GBE1: variants seen among roughly 807,000 people sequenced by gnomAD.
GBE1 encodes the protein 1,4-alpha-glucan-branching enzyme.
Under a neutral mutation model 88.8 loss-of-function variants are expected in GBE1, and 70 were observed. The observed-to-expected ratio is 0.79, with a 90% CI of 0.65 to 0.96. The LOEUF is 0.96. Among genes scored for constraint, GBE1 ranks in the 40% least tolerant of loss-of-function variants. The probability of loss-of-function intolerance (pLI) is 0.00; values close to 1 mark genes in which losing one functional copy is unlikely to be tolerated. For synonymous variants in GBE1, 284 were observed against 300.1 expected (o/e 0.95, Z 0.56); for missense variants, 872 against 871.0 (o/e 1.00, Z -0.01).
intron 1 of GBE1, among the ~76,000 whole-genome samples, chr3:81,750,599 ATGTG>A (rs60462883): frequency 3.5e-4 from 13 of 36,648 alleles, no homozygotes; most frequent in African/African-American, 9.2e-4. Flanking sequence ...GTATATATAT[ATGTG>A]TATATATATA....
intron 7 of GBE1, among the ~76,000 whole-genome samples, chr3:81,599,881 CTTATT>C (rs1300813759): frequency 6.6e-6 from 1 of 152,098 alleles, no homozygotes; most frequent in African/African-American, 2.4e-5. Flanking sequence ...CTTTAAAGAG[CTTATT>C]TTAAAGGTAA....
intron 14 of GBE1, among the ~76,000 whole-genome samples, chr3:81,533,166 C>T (rs564790938): frequency 6.6e-6 from 1 of 152,164 alleles, no homozygotes; most frequent in Admixed American, 6.6e-5. Context: ...TTATATTGCA[C>T]TACCAAGTAT....
At chr3:81,590,002 T>A (rs1022665075) in intron 9 of GBE1, among the ~76,000 whole-genome samples, 1 of 151,998 alleles carries the variant, frequency 6.6e-6, no homozygotes, top group Non-Finnish European at 1.5e-5. Context: ...TGTTTTTTAA[T>A]TGTATATAAG....
At chr3:81,562,272 T>C (rs571713019) in intron 12 of GBE1, among the ~76,000 whole-genome samples, 4 of 152,242 alleles carry the variant, frequency 2.6e-5, no homozygotes, top group Admixed American at 6.6e-5. Flanking sequence ...CTTTCTCCCT[T>C]GATTTGTTTG....
chr3:81,716,987 G>A (rs1192127423), intron 1 of GBE1, among the ~76,000 whole-genome samples: 1 of 152,162 alleles, frequency 6.6e-6, no homozygotes, highest in Non-Finnish European at 1.5e-5. Context: ...GTCAGGCCTG[G>A]AAGTGTCAAG....
chr3:81,656,448 C>T (rs1264621662), intron 3 of GBE1, among the ~76,000 whole-genome samples: 7 of 152,146 alleles, frequency 4.6e-5, no homozygotes, highest in Non-Finnish European at 1.5e-5. Flanking sequence ...ATGGCCCTGA[C>T]AACAACTTGA....
intron 3 of GBE1, among the ~76,000 whole-genome samples, chr3:81,667,342 G>A (rs1289552996): frequency 6.6e-6 from 1 of 152,048 alleles, no homozygotes; most frequent in East Asian, 1.9e-4. Context: ...AAGGAGTTTT[G>A]GGGCTGAGAT....
chr3:81,617,345 C>T (rs1039076063), intron 7 of GBE1, among the ~76,000 whole-genome samples: 13 of 151,910 alleles, frequency 8.6e-5, no homozygotes, highest in African/African-American at 3.1e-4. Context: ...ACGTTAGCCA[C>T]TAAGTATATT....
intron 1 of GBE1, among the ~76,000 whole-genome samples, chr3:81,709,862 A>G (rs1426627561): frequency 4.6e-5 from 7 of 152,296 alleles, no homozygotes; most frequent in Non-Finnish European, 1.0e-4. Context: ...GCCCTCTCCT[A>G]CTACAGTCAT....
intron 10 of GBE1, among the ~76,000 whole-genome samples, chr3:81,584,937 A>G (rs1016726551): frequency 3.3e-5 from 5 of 152,096 alleles, no homozygotes; most frequent in African/African-American, 1.2e-4. Context: ...TGTGAGGGAA[A>G]AAAGTCTACA....
intron 2 of GBE1, among the ~76,000 whole-genome samples, chr3:81,683,724 T>C (rs887435922): frequency 2.0e-5 from 3 of 152,226 alleles, no homozygotes; most frequent in African/African-American, 7.2e-5. Context: ...GGCTCCTAAA[T>C]GTTTTGCTAT....
At chr3:81,714,938 A>C (rs1376163939) in intron 1 of GBE1, among the ~76,000 whole-genome samples, 1 of 152,126 alleles carries the variant, frequency 6.6e-6, no homozygotes, top group Non-Finnish European at 1.5e-5. Flanking sequence ...TCACGTCAGG[A>C]GAGGGCCGCT....
In GBE1 at chr3:81,673,268, T is replaced by G. The variant is rs114370455; in HGVS notation, c.314-2315A>C. Among the ~76,000 whole-genome samples the G allele has an allele frequency of 8.0e-3, 1,218 of 151,980 alleles. 16 individuals carry two copies. Among genetic ancestry groups the G allele is most frequent in the Middle Eastern group, 0.02 (6 of 294 alleles). On this transcript the variant is annotated intron_variant, in intron 2 of 15. Transcript: ENST00000429644. ...AGACAAGCAGCAGATCTTTTCCCGG[T>G]TAGGTAGAACTGAAAATAAAGGGTA...
chr3:81,505,441 C>T (rs1393980662), intron 14 of GBE1, among the ~76,000 whole-genome samples: 1 of 152,096 alleles, frequency 6.6e-6, no homozygotes, highest in East Asian at 1.9e-4. Context: ...CCACAATGTT[C>T]CAACACAATC....
intron 14 of GBE1, 118 bp from the exon 15 acceptor site, chr3:81,499,345 A>G: frequency 1.4e-6 from 1 of 709,530 alleles, no homozygotes; most frequent in Non-Finnish European, 2.6e-6. Flanking sequence ...AATTTGTGCT[A>G]AGAACTCATT....
intron 7 of GBE1, among the ~76,000 whole-genome samples, chr3:81,627,723 T>C (rs893224450): frequency 6.8e-6 from 1 of 147,678 alleles, no homozygotes; most frequent in African/African-American, 2.5e-5. Flanking sequence ...CCAAGAACTG[T>C]TATAAGAAAA....
intron 1 of GBE1, among the ~76,000 whole-genome samples, chr3:81,719,852 A>G (rs1298823000): frequency 6.6e-6 from 1 of 152,176 alleles, no homozygotes; most frequent in East Asian, 1.9e-4. Flanking sequence ...AAACTGATAT[A>G]AATTGACACT....
At chr3:81,743,743 T>G (rs1306755576) in intron 1 of GBE1, 1 of 655,772 alleles carries the variant, frequency 1.5e-6, no homozygotes, top group Non-Finnish European at 2.5e-6. Flanking sequence ...TGTTTTGTGT[T>G]GTTTGTGTTT....
At chr3:81,690,065 T>C (rs183645037) in intron 2 of GBE1, among the ~76,000 whole-genome samples, 2 of 152,296 alleles carry the variant, frequency 1.3e-5, no homozygotes, top group East Asian at 1.9e-4. Context: ...ATAGGTCCAC[T>C]AACAAACATT....
Sources: gnomAD v4.1 joint callset for allele counts (sites outside exome capture counted in the v4.1 genomes callset) on GRCh38, gnomAD v4.1.1 for gene constraint, MANE v1.5 for transcripts, NCBI Gene and HGNC (gene_info 2026-07-23, HGNC 2026-07-21) for gene names.